Variants in FANCA observed in about 807,000 individuals in gnomAD.
The protein encoded by FANCA is Fanconi anemia group A protein.
In FANCA, 236 loss-of-function variants were observed where a neutral mutation model predicts 194.3. The observed-to-expected ratio is 1.21, with a 90% confidence interval of 1.09 to 1.35. FANCA has a LOEUF of 1.35. FANCA is among the 40% of genes most tolerant of loss of function. The pLI is 0.00. For missense variants in FANCA, 2,628 were observed against 1,813.9 expected (o/e 1.45, Z -8.15); for synonymous variants, 1,014 against 715.8 (o/e 1.42, Z -6.65).
chr16:89,739,114 GAC>G lies in FANCA; in HGVS notation c.4167+17_4167+18del. The stretch of plus-strand genomic sequence containing the variant: ...CTGGGGGGAGCTCCCCTGGAGGTGG[GAC>G]TGGCCCTTGCACCTGCCTGACCCTT... On this transcript the variant is annotated intron_variant, in intron 41 of 42. Transcript: ENST00000389301. The G allele has an allele frequency of 6.2e-7, 1 of 1,614,060 alleles. No homozygotes were observed. Among genetic ancestry groups the G allele is most frequent in the Non-Finnish European group, 8.5e-7 (1 of 1,179,988 alleles).
In FANCA at chr16:89,816,539, A is replaced by G; in HGVS notation, c.77T>C (p.Leu26Pro). Residue 26 changes from leucine to proline, a missense_variant and splice_region_variant, in exon 1 of 43, where the codon CTG (leucine) becomes CCG (proline). By Grantham distance (98) the Leu-to-Pro change is moderately conservative. Coordinates refer to ENST00000389301, the MANE Select transcript of FANCA (RefSeq NM_000135.4). ...CGCGGCCTGCCGCGCCCACCTACCC[A>G]GCAGCTCGGCCCAGGCCCTCCGGCG... is the stretch of plus-strand genomic sequence containing the variant. ...GGRRRAWAEL[L>P]AGRVKREKYN... 6.7e-7 allele frequency: 1 copy of G among 1,496,772 alleles called. No homozygotes were observed. 92.7% of individuals were successfully genotyped at this position (1,496,772 alleles called of 1,614,324 possible).
Position 89,778,819 on chromosome 16 carries a change from A to G in FANCA, c.1808T>C (p.Phe603Ser), listed in dbSNP as rs766939940. The G allele has an allele frequency of 9.3e-6, 15 of 1,613,866 alleles. No individual in the cohort carries two copies. The highest frequency in any genetic ancestry group is 1.2e-5 in the Non-Finnish European group (14 of 1,179,990). Residue 603 changes from phenylalanine (F) to serine (S), a missense_variant, in exon 20 of 43, where the codon TTT (phenylalanine) becomes TCT (serine). Transcript: ENST00000389301. ...LPKVPDSRVA[F>S]IESLKRADKI... ...TGCATACCTCTTCAGAGACTCTATAAACGCCACACGGGAGTCAGGGACTTT... is the reference window on the plus strand; with the variant it reads ...TGCATACCTCTTCAGAGACTCTATAGACGCCACACGGGAGTCAGGGACTTT...
intron 35 of FANCA, 93 bp from the exon 36 acceptor site, chr16:89,745,164 GC>G: frequency 8.6e-7 from 1 of 1,160,964 alleles, no homozygotes; most frequent in Non-Finnish European, 1.2e-6. Flanking sequence ...GCTCCTACAG[GC>G]CACTACAGGC....
intron 31 of FANCA, among the ~76,000 whole-genome samples, chr16:89,750,521 G>C (rs935922249): frequency 6.6e-6 from 1 of 151,552 alleles, no homozygotes; most frequent in African/African-American, 2.4e-5. Context: ...AGGTATGGTG[G>C]CTCACGCCTG....
At chr16:89,757,252 G>A (rs949156986) in intron 30 of FANCA, among the ~76,000 whole-genome samples, 1 of 152,056 alleles carries the variant, frequency 6.6e-6, no homozygotes, top group East Asian at 1.9e-4. Flanking sequence ...GAGCCACTGC[G>A]CCCAGCCTCA....
At position 89,814,606 on chromosome 16, in the gene FANCA, C is replaced by A. The variant is rs764052666; in HGVS notation, c.197G>T (p.Gly66Val). 2.5e-6 allele frequency: 4 copies of A among 1,612,416 alleles called. No individual in the cohort carries two copies. In the African/African-American group the frequency reaches 5.3e-5, roughly 22 times the overall value. Residue 66 changes from glycine to valine, a missense_variant, in exon 3 of 43, where the codon GGT becomes GTT. Physicochemically the swap from Gly to Val is moderately radical, Grantham distance 109. Transcript: ENST00000389301. ...DLNALLLEVE[G>V]PLCKKLSLSK... Reference sequence around the variant, plus strand: ...GAGAGACAATTTTTTACACAGTGGACCTTCTACCTAGAATCCAAAACACAA... The same window carrying A: ...GAGAGACAATTTTTTACACAGTGGAACTTCTACCTAGAATCCAAAACACAA...
In FANCA at chr16:89,810,958, G is replaced by A. The variant is rs747017637; in HGVS notation, c.397C>T (p.His133Tyr). 3.7e-6 allele frequency: 6 copies of A among 1,614,010 alleles called. No individual in the cohort carries two copies. In the East Asian group the frequency reaches 6.7e-5, roughly 18 times the overall value. ...QICTAPAETS[H>Y]PVLLTVEQRK... The stretch of plus-strand genomic sequence containing the variant: ...TGCTCCACAGTCAGCAGCACAGGGT[G>A]ACTGGTCTCCGCTGGAGCCGTGCAG... Residue 133 changes from histidine (H) to tyrosine (Y), a missense_variant, in exon 4 of 43, where the codon CAC becomes TAC. By Grantham distance (83) the His-to-Tyr change is moderately conservative. Transcript: ENST00000389301.
At chr16:89,795,572 A>C (rs1420767060) in intron 11 of FANCA, among the ~76,000 whole-genome samples, 1 of 152,182 alleles carries the variant, frequency 6.6e-6, no homozygotes, top group Admixed American at 6.5e-5. Context: ...TGGGAGGCAG[A>C]GGTTGCAGTG....
rs1429483489 is a variant in FANCA at position 89,808,319 on chromosome 16, C to A, written c.571G>T (p.Val191Leu). 3 of 1,614,024 alleles carry A rather than the reference C, an allele frequency of 1.9e-6. No homozygotes were observed. ...AVWHLHVQGI[V>L]SLQELLESHP... ...CTTTCCAGCAGCTCTTGCAGGCTCA[C>A]AATGCCTTGTACGTGAAGATGCCAC... Residue 191 changes from valine (V) to leucine (L), a missense_variant, in exon 6 of 43, where the codon GTG becomes TTG. Coordinates refer to ENST00000389301, the MANE Select transcript of FANCA (RefSeq NM_000135.4).
chr16:89,784,726 AG>A, intron 15 of FANCA, 127 bp downstream of exon 15: 2 of 771,986 alleles, frequency 2.6e-6, no homozygotes, highest in Admixed American at 1.8e-5. Flanking sequence ...GGGAAGGGGA[AG>A]GGGAAGGGCC....
Position 89,798,746 on chromosome 16 carries a change from C to G in FANCA, c.893+420G>C, listed in dbSNP as rs56030313. ...TGAATCTGAGCAGGATCTGTGGAGG[C>G]CAGGCAGCGGGAGTCTGTAGAGGCA... On this transcript the variant is annotated intron_variant, in intron 10 of 42. Transcript: ENST00000389301. The G allele has an allele frequency of 5.9e-4, 801 of 1,360,442 alleles. 5 individuals carry two copies. In the African/African-American group the frequency reaches 0.011, roughly 18 times the overall value. The allele number at this position is 1,360,442 out of a possible 1,614,324, so 84.3% of individuals were successfully genotyped here.
At chr16:89,781,363 C>CAAAAACAA (rs1567627447) in intron 17 of FANCA, among the ~76,000 whole-genome samples, 1 of 60,400 alleles carries the variant, frequency 1.7e-5, no homozygotes, top group Non-Finnish European at 2.9e-5. Context: ...GACTCCATTC[C>CAAAAACAA]AAAAAAAAAA....
chr16:89,773,439 G>A (rs2039393380), intron 21 of FANCA, 55 bp from the exon 22 acceptor site: 2 of 1,259,444 alleles, frequency 1.6e-6, no homozygotes, highest in Admixed American at 2.0e-5. Context: ...ACTCTTCACT[G>A]CAAAAATAGA....
intron 14 of FANCA, among the ~76,000 whole-genome samples, chr16:89,789,831 T>C (rs1383571666): frequency 6.6e-6 from 1 of 152,160 alleles, no homozygotes; most frequent in Non-Finnish European, 1.5e-5. Context: ...TCAAAGCTGA[T>C]ATCTCAAATA....
At chr16:89,741,805 C>T (rs762670932) in intron 37 of FANCA, among the ~76,000 whole-genome samples, 2 of 152,146 alleles carry the variant, frequency 1.3e-5, no homozygotes, top group Non-Finnish European at 2.9e-5. Context: ...GGCTGTCCCT[C>T]AGCACATGAA....
rs1309208694 is a variant in FANCA at position 89,759,324 on chromosome 16, A to T, written c.2853-619T>A. 5.2e-4 allele frequency among the ~76,000 whole-genome samples: 62 copies of T among 118,284 alleles called. 6 individuals carry two copies. The highest frequency in any genetic ancestry group is 4.6e-3 in the Middle Eastern group (1 of 218). 77.6% of individuals were successfully genotyped at this position (118,284 alleles called of 152,430 possible). On this transcript the variant is annotated intron_variant, in intron 29 of 42. Coordinates refer to ENST00000389301, the MANE Select transcript of FANCA (RefSeq NM_000135.4). ...AACAGAGCGAGACTCCGTCTAAAAAAAAAAAAAAAAAAAAAAAAAAAAAAA... is the reference window on the plus strand; with the variant it reads ...AACAGAGCGAGACTCCGTCTAAAAATAAAAAAAAAAAAAAAAAAAAAAAAA...
intron 8 of FANCA, among the ~76,000 whole-genome samples, chr16:89,800,597 G>C (rs1296846572): frequency 3.3e-5 from 5 of 152,128 alleles, no homozygotes; most frequent in African/African-American, 1.2e-4. Flanking sequence ...GATAAGCAAA[G>C]CAATCCTGAG....
intron 6 of FANCA, among the ~76,000 whole-genome samples, chr16:89,807,097 T>C (rs937097301): frequency 1.3e-5 from 2 of 152,322 alleles, no homozygotes; most frequent in South Asian, 4.1e-4. Flanking sequence ...TGCTGAAATG[T>C]CTACTTCTCC....
intron 29 of FANCA, among the ~76,000 whole-genome samples, chr16:89,759,688 G>T (rs1170387996): frequency 1.3e-5 from 2 of 152,200 alleles, no homozygotes; most frequent in South Asian, 2.1e-4. Context: ...TCGAGCTCTG[G>T]AGAGGGAAGC....
Sources: gnomAD v4.1 joint callset for allele counts (sites outside exome capture counted in the v4.1 genomes callset) on GRCh38, gnomAD v4.1.1 for gene constraint, MANE v1.5 for transcripts, NCBI Gene and HGNC (gene_info 2026-07-23, HGNC 2026-07-21) for gene names.